Variants in MTRF1 observed in about 807,000 individuals in gnomAD.
MTRF1 encodes the protein peptide chain release factor 1, mitochondrial.
A neutral mutation model predicts 62.9 loss-of-function variants in MTRF1; 51 were observed. The observed-to-expected ratio is 0.81, with a 90% confidence interval of 0.65 to 1.02. The LOEUF (loss-of-function observed/expected upper bound fraction) is 1.02. Ranked by LOEUF, MTRF1 falls within the 50% of genes least tolerant of loss-of-function variation. The pLI is 0.00. For missense variants in MTRF1, 446 were observed against 530.0 expected (o/e 0.84, Z 1.56); for synonymous variants, 158 against 181.9 (o/e 0.87, Z 1.06).
chr13:41,277,719 G>A, the MTRF1 span, among the ~76,000 whole-genome samples: 2 of 151,998 alleles, frequency 1.3e-5, no homozygotes, highest in Non-Finnish European at 2.9e-5. Flanking sequence ...TTAACTTTTG[G>A]CCATTGGTGA....
intron 7 of MTRF1, among the ~76,000 whole-genome samples, chr13:41,227,979 C>T (rs746793490): frequency 2.0e-5 from 3 of 152,142 alleles, no homozygotes; most frequent in Non-Finnish European, 2.9e-5. Flanking sequence ...TTTTGTACTA[C>T]CCAAAAGAAT....
Position 41,260,596 on chromosome 13 carries a change from C to T in MTRF1, c.312G>A (p.Arg104=). The T allele has an allele frequency of 6.2e-7, 1 of 1,614,136 alleles. No individual in the cohort carries two copies. The highest frequency in any genetic ancestry group is 8.5e-7 in the Non-Finnish European group (1 of 1,180,016). The stretch of plus-strand genomic sequence containing the variant: ...ACTCAGCATGCCTTCTGTTCAAGGA[C>T]CTTCGGTTTTCCTCATTCACAGGGA... ...QHIPVNEENR[R]SLNRRHAELA... The change falls in exon 2 of 10, where the codon AGG becomes AGA. Residue 104 remains arginine, a synonymous_variant. Coordinates refer to ENST00000379480, the MANE Select transcript of MTRF1 (RefSeq NM_004294.4).
At chr13:41,263,926 T>G (rs2040741185), upstream of MTRF1, among the ~76,000 whole-genome samples, 1 of 152,202 alleles carries the variant, frequency 6.6e-6, no homozygotes, top group African/African-American at 2.4e-5. Flanking sequence ...CCACTCACTA[T>G]CCAGCCAAAT....
At chr13:41,224,125 A>ATG (rs2033929832) in intron 8 of MTRF1, among the ~76,000 whole-genome samples, 2 of 152,210 alleles carry the variant, frequency 1.3e-5, no homozygotes. Flanking sequence ...TGTCATTATT[A>ATG]TGTGTGTGTC....
At chr13:41,229,150 C>T (rs981524205) in intron 7 of MTRF1, 15 of 152,152 alleles carry the variant, frequency 9.9e-5, no homozygotes, top group African/African-American at 3.6e-4. Flanking sequence ...AATAATTGGC[C>T]CAAGGTAAGT....
chr13:41,251,436 T>A (rs1346317725), intron 5 of MTRF1, among the ~76,000 whole-genome samples: 1 of 152,172 alleles, frequency 6.6e-6, no homozygotes. Context: ...TCAAAATCTA[T>A]CCACTCAAAC....
At chr13:41,223,478 A>G (rs2033809224) in intron 8 of MTRF1, 124 bp from the exon 9 acceptor site, 2 of 713,894 alleles carry the variant, frequency 2.8e-6, no homozygotes, top group Non-Finnish European at 4.7e-6. Context: ...TATATACAAA[A>G]TGACAAAGAA....
chr13:41,273,989 T>G, the MTRF1 span, among the ~76,000 whole-genome samples: 10 of 152,198 alleles, frequency 6.6e-5, no homozygotes, highest in Non-Finnish European at 1.3e-4. Context: ...AGTTTCTGAT[T>G]AGCCTCTGCA....
chr13:41,298,109 A>C, the MTRF1 span, among the ~76,000 whole-genome samples: 1 of 152,202 alleles, frequency 6.6e-6, no homozygotes, highest in Non-Finnish European at 1.5e-5. Flanking sequence ...CAGTAATTGC[A>C]AAGCAGAGGA....
intron 6 of MTRF1, chr13:41,236,779 C>T (rs1179068213): frequency 2.0e-5 from 3 of 152,122 alleles, no homozygotes; most frequent in East Asian, 3.9e-4. Flanking sequence ...CCAAATGTTA[C>T]AGAAATGATC....
chr13:41,233,886 T>C lies in MTRF1; in HGVS notation c.988+4A>G. On this transcript the variant is annotated splice_donor_region_variant and intron_variant, in intron 7 of 9. Transcript: ENST00000379480. ...AAAAGTACAAAGCCAAGGGGCTTGCTTACCTGTGGGGATGTGGACAAGTCT... is the reference window on the plus strand; with the variant it reads ...AAAAGTACAAAGCCAAGGGGCTTGCCTACCTGTGGGGATGTGGACAAGTCT... 6.2e-7 allele frequency: 1 copy of C among 1,605,558 alleles called. No homozygotes were observed. Among genetic ancestry groups the C allele is most frequent in the Non-Finnish European group, 8.5e-7 (1 of 1,172,156 alleles).
chr13:41,239,639 C>T (rs2037198825), intron 6 of MTRF1, among the ~76,000 whole-genome samples: 1 of 152,096 alleles, frequency 6.6e-6, no homozygotes, highest in Admixed American at 6.5e-5. Context: ...ACATGGTCCC[C>T]ATACTGATAT....
chr13:41,306,545 A>C, the MTRF1 span, among the ~76,000 whole-genome samples: 1 of 152,172 alleles, frequency 6.6e-6, no homozygotes, highest in Non-Finnish European at 1.5e-5. Context: ...AAACTATTTG[A>C]TTTTAGGTTG....
chr13:41,263,249 TG>T (rs1171475415), intron 1 of MTRF1: 1 of 1,287,556 alleles, frequency 7.8e-7, no homozygotes, highest in Non-Finnish European at 1.0e-6. Context: ...CAAAACAAGA[TG>T]TTTACTCTCC....
the MTRF1 span, among the ~76,000 whole-genome samples, chr13:41,306,836 A>G: frequency 1.4e-4 from 22 of 152,216 alleles, no homozygotes; most frequent in Non-Finnish European, 3.1e-4. Flanking sequence ...TTTTCCTGAG[A>G]AACAGTGAGT....
At chr13:41,309,123 G>A in the MTRF1 span, among the ~76,000 whole-genome samples, 3 of 151,954 alleles carry the variant, frequency 2.0e-5, no homozygotes, top group South Asian at 4.1e-4. Context: ...TCCACCGATG[G>A]GCATCTAGGT....
the MTRF1 span, among the ~76,000 whole-genome samples, chr13:41,271,630 A>G: frequency 6.6e-6 from 1 of 151,936 alleles, no homozygotes; most frequent in South Asian, 2.1e-4. Context: ...CCTTATGTGC[A>G]TTTCCTGGAT....
chr13:41,263,436 G>C, intron 1 of MTRF1, 49 bp downstream of exon 1: 1 of 435,718 alleles, frequency 2.3e-6, no homozygotes, highest in Non-Finnish European at 4.2e-6. Context: ...ATTCCATAAA[G>C]AGGCAATACA....
At chr13:41,293,451 T>C in the MTRF1 span, among the ~76,000 whole-genome samples, 1 of 152,208 alleles carries the variant, frequency 6.6e-6, no homozygotes, top group South Asian at 2.1e-4. Context: ...CTTTCTCTGC[T>C]AGATATCTGA....
Sources: allele counts gnomAD v4.1 joint callset (sites outside exome capture counted in the v4.1 genomes callset), GRCh38; gene constraint gnomAD v4.1.1; transcripts MANE v1.5; gene names NCBI Gene and HGNC (gene_info 2026-07-23, HGNC 2026-07-21).